APAF1: variants seen among roughly 807,000 people sequenced by gnomAD.
APAF1 encodes the protein apoptotic peptidase activating factor 1, also known as apoptotic protease-activating factor 1.
Under a neutral mutation model 152.4 loss-of-function variants are expected in APAF1, and 91 were observed. The ratio of observed to expected loss-of-function variants is 0.60; its 90% CI spans 0.50 to 0.71. The LOEUF (loss-of-function observed/expected upper bound fraction) is 0.71, where lower values mean the gene tolerates loss of function less well. APAF1 is among the 30% of genes least tolerant of loss of function. The probability of loss-of-function intolerance (pLI) is 0.00; values close to 1 mark genes in which losing one functional copy is unlikely to be tolerated. For synonymous variants in APAF1, 484 were observed against 494.1 expected, an observed-to-expected ratio of 0.98 and a Z score of 0.27; for missense variants, 1,283 against 1,472.0, an observed-to-expected ratio of 0.87 and a Z score of 2.10.
Position 98,648,716 on chromosome 12 carries a change from C to A in APAF1, c.229C>A (p.His77Asn), listed in dbSNP as rs1189314792. ...CGTATCATTCTACAATGCTCTACTA[C>A]ATGAAGGATATAAAGATCTTGCTGC... ...SYVSFYNALL[H>N]EGYKDLAALL... Residue 77 changes from histidine to asparagine, a missense_variant, in exon 3 of 27, where the codon CAT becomes AAT. By Grantham distance (68) the His-to-Asn change is moderately conservative. Transcript: ENST00000551964. 6.2e-7 allele frequency: 1 copy of A among 1,613,594 alleles called. No homozygotes were observed. Among genetic ancestry groups the A allele is most frequent in the East Asian group, 2.2e-5 (1 of 44,846 alleles).
At chr12:98,730,663 T>C (rs1267078663) in intron 26 of APAF1, among the ~76,000 whole-genome samples, 1 of 152,210 alleles carries the variant, frequency 6.6e-6, no homozygotes, top group Non-Finnish European at 1.5e-5. Context: ...CTGATTATGA[T>C]ATAGCCCAGC....
chr12:98,706,517 T>C lies in APAF1; in HGVS notation c.2628T>C (p.Ala876=). 1 of 1,614,092 alleles carries C rather than the reference T, an allele frequency of 6.2e-7. No homozygotes were observed. The highest frequency in any genetic ancestry group is 8.5e-7 in the Non-Finnish European group (1 of 1,179,934). ...ATACAGACTCACGTTCAAAGGTGGC[T>C]GATTGCAGAGGACATTTAAGTTGGG... ...LWNTDSRSKV[A]DCRGHLSWVH... The change falls in exon 19 of 27, where the codon GCT becomes GCC. Residue 876 remains alanine, a synonymous_variant. Transcript: ENST00000551964.
Position 98,727,335 on chromosome 12 carries a change from C to A in APAF1, c.3600+19C>A. On this transcript the variant is annotated intron_variant, in intron 26 of 26. Transcript: ENST00000551964. ...TATTAAGGTAAGAGTTCCCCAAGAA[C>A]TGTGAAAGAAAATAATAGCCTATAT... is the stretch of plus-strand genomic sequence containing the variant. 4 of 1,613,480 alleles carry A rather than the reference C, an allele frequency of 2.5e-6. No individual in the cohort carries two copies. Among genetic ancestry groups the A allele is most frequent in the Non-Finnish European group, 3.4e-6 (4 of 1,179,616 alleles).
At chr12:98,688,771 T>G in intron 16 of APAF1, among the ~76,000 whole-genome samples, 1 of 151,968 alleles carries the variant, frequency 6.6e-6, no homozygotes, top group East Asian at 1.9e-4. Flanking sequence ...ACCACTCTTT[T>G]CTTTTTTCTT....
chr12:98,648,594 T>A (rs1228439185), intron 2 of APAF1, 32 bp from the exon 3 acceptor site: 1 of 1,611,282 alleles, frequency 6.2e-7, no homozygotes, highest in Non-Finnish European at 8.5e-7. Context: ...ACATATTCAT[T>A]GTTGTATACT....
At chr12:98,650,079 A>G (rs558023855) in intron 4 of APAF1, among the ~76,000 whole-genome samples, 5 of 152,302 alleles carry the variant, frequency 3.3e-5, no homozygotes, top group African/African-American at 9.6e-5. Context: ...GAATAGTTGT[A>G]TAGCTCCATC....
Position 98,671,598 on chromosome 12 carries a change from C to T in APAF1, c.1672C>T (p.Gln558Ter). The T allele has an allele frequency of 1.2e-6, 2 of 1,613,952 alleles. No individual in the cohort carries two copies. The highest frequency in any genetic ancestry group is 1.7e-6 in the Non-Finnish European group (2 of 1,179,978). ...TTTAAATGGACACCTTCTTGGACGA[C>T]AGCCATTTCCTAATATTGTACAACT... ...LSLNGHLLGR[Q>*]PFPNIVQLGL... is the part of the protein sequence containing the mutation. The change falls in exon 12 of 27, where the codon CAG (glutamine) becomes TAG (stop). Residue 558 changes from glutamine (Q) to a stop codon, truncating the protein, a stop_gained. Coordinates refer to ENST00000551964, the MANE Select transcript of APAF1 (RefSeq NM_181861.2). LOFTEE classifies it high-confidence loss of function.
chr12:98,709,445 C>T (rs1416490794), intron 20 of APAF1, among the ~76,000 whole-genome samples: 1 of 152,016 alleles, frequency 6.6e-6, no homozygotes, highest in South Asian at 2.1e-4. Flanking sequence ...GTAACAGATG[C>T]CCTAAGAGCA....
At chr12:98,713,745 A>G (rs1039443075) in intron 21 of APAF1, among the ~76,000 whole-genome samples, 1 of 152,188 alleles carries the variant, frequency 6.6e-6, no homozygotes, top group African/African-American at 2.4e-5. Flanking sequence ...TTAACCAATT[A>G]CTTATGGCAC....
In APAF1 at chr12:98,732,542, A is replaced by G. The variant is rs375449857; in HGVS notation, c.3723A>G (p.Leu1241=). Residue 1241 remains leucine (L), a synonymous_variant, in exon 27 of 27, where the codon TTA becomes TTG. Coordinates refer to ENST00000551964, the MANE Select transcript of APAF1 (RefSeq NM_181861.2). ...TGACTGTGGATAATCTTGGTATTTT[A>G]TATATTTTACAGACTTTAGAATAAA... ...TYVTVDNLGI[L]YILQTLE is the part of the protein sequence containing the mutation. 5.7e-6 allele frequency: 9 copies of G among 1,571,612 alleles called. No homozygotes were observed. In the African/African-American group the frequency reaches 8.1e-5, roughly 14 times the overall value.
At chr12:98,713,111 A>T (rs1337564006) in intron 21 of APAF1, among the ~76,000 whole-genome samples, 1 of 152,194 alleles carries the variant, frequency 6.6e-6, no homozygotes, top group Admixed American at 6.5e-5. Context: ...GAGCCACCAC[A>T]TCCAGCCTAT....
chr12:98,653,422 C>G (rs781618438), intron 4 of APAF1, among the ~76,000 whole-genome samples: 18 of 150,502 alleles, frequency 1.2e-4, no homozygotes, highest in Non-Finnish European at 1.8e-4. Flanking sequence ...TCTGGGAGGC[C>G]GAGGTGGACA....
intron 4 of APAF1, among the ~76,000 whole-genome samples, chr12:98,650,304 G>A (rs572947558): frequency 4.0e-4 from 61 of 152,002 alleles, no homozygotes; most frequent in Non-Finnish European, 6.5e-4. Context: ...GCAACATGGT[G>A]AAATCCCGTC....
chr12:98,694,889 T>G (rs1158597119), intron 16 of APAF1, among the ~76,000 whole-genome samples: 1 of 151,872 alleles, frequency 6.6e-6, no homozygotes, highest in Non-Finnish European at 1.5e-5. Flanking sequence ...TTTTTTTTTT[T>G]TTTTTTAGAC....
At chr12:98,720,703 C>T (rs1220891128) in intron 22 of APAF1, among the ~76,000 whole-genome samples, 7 of 152,316 alleles carry the variant, frequency 4.6e-5, no homozygotes, top group Admixed American at 2.6e-4. Context: ...CGGTGGCTCA[C>T]GCCTGTAATC....
chr12:98,657,554 A>G (rs2097659308), intron 4 of APAF1, among the ~76,000 whole-genome samples: 1 of 152,196 alleles, frequency 6.6e-6, no homozygotes, highest in Non-Finnish European at 1.5e-5. Context: ...TAATATGTCA[A>G]GTCCTATTCA....
chr12:98,705,869 A>G (rs1451406469), intron 18 of APAF1, among the ~76,000 whole-genome samples: 1 of 152,224 alleles, frequency 6.6e-6, no homozygotes, highest in Non-Finnish European at 1.5e-5. Flanking sequence ...TTTTAAAGTG[A>G]TAAAATATTT....
chr12:98,706,537 G>A lies in APAF1; in HGVS notation c.2648G>A (p.Ser883Asn). Reference protein sequence around the residue: ...SKVADCRGHLSWVHGVMFSPD... With the variant: ...SKVADCRGHLNWVHGVMFSPD... ...GTGGCTGATTGCAGAGGACATTTAAGTTGGGTTCATGGTGTGATGTTTTCT... is the reference window on the plus strand; with the variant it reads ...GTGGCTGATTGCAGAGGACATTTAAATTGGGTTCATGGTGTGATGTTTTCT... The change falls in exon 19 of 27, where the codon AGT (serine) becomes AAT (asparagine). Residue 883 changes from serine (S) to asparagine (N), a missense_variant. Transcript: ENST00000551964. The A allele has an allele frequency of 6.2e-7, 1 of 1,614,068 alleles. No individual in the cohort carries two copies. The highest frequency in any genetic ancestry group is 8.5e-7 in the Non-Finnish European group (1 of 1,179,916).
At chr12:98,727,403 C>A (rs758593996) in intron 26 of APAF1, 87 bp downstream of exon 26, 2 of 1,462,444 alleles carry the variant, frequency 1.4e-6, no homozygotes, top group Admixed American at 1.7e-5. Context: ...CTCAGTTGGG[C>A]CTTTTACAAC....
Sources: allele counts gnomAD v4.1 joint callset (sites outside exome capture counted in the v4.1 genomes callset), GRCh38; gene constraint gnomAD v4.1.1; transcripts MANE v1.5; gene names NCBI Gene and HGNC (gene_info 2026-07-23, HGNC 2026-07-21).